The following ARHGEF26 variants were observed in gnomAD, a reference collection of about 807,000 sequenced individuals.
ARHGEF26 encodes Rho guanine nucleotide exchange factor 26.
ARHGEF26 carries 59 observed loss-of-function variants against 89.4 expected under a neutral mutation model. That is an observed-to-expected ratio of 0.66 (90% CI 0.54 to 0.82). The LOEUF (loss-of-function observed/expected upper bound fraction) is 0.82. ARHGEF26 is among the 40% of genes least tolerant of loss of function. The pLI is 0.00. For synonymous variants in ARHGEF26, 500 were observed against 428.4 expected, an observed-to-expected ratio of 1.17 and a Z score of -2.06; for missense variants, 1,234 against 1,085.6, an observed-to-expected ratio of 1.14 and a Z score of -1.92.
At chr3:154,130,190 A>T (rs868623465) in intron 4 of ARHGEF26, among the ~76,000 whole-genome samples, 1 of 115,850 alleles carries the variant, frequency 8.6e-6, no homozygotes. Context: ...TCTGTCGCCC[A>T]GGCTGGAGTT....
intron 11 of ARHGEF26, among the ~76,000 whole-genome samples, chr3:154,234,800 T>G (rs1481401099): frequency 6.6e-6 from 1 of 152,170 alleles, no homozygotes; most frequent in African/African-American, 2.4e-5. Flanking sequence ...GAGTCTCACT[T>G]TGTCGCCCAG....
chr3:154,134,951 C>T (rs1034501615), intron 4 of ARHGEF26, among the ~76,000 whole-genome samples: 1 of 151,998 alleles, frequency 6.6e-6, no homozygotes, highest in Admixed American at 6.6e-5. Flanking sequence ...GGTGGATAAG[C>T]TTTTTGATGT....
At chr3:154,235,112 G>T (rs116190293) in intron 11 of ARHGEF26, among the ~76,000 whole-genome samples, 3,038 of 149,704 alleles carry the variant, frequency 0.02, 102 homozygotes, top group African/African-American at 0.07. Context: ...TTTTTTTTCC[G>T]TGTTTTACAA....
chr3:154,176,419 A>G (rs867420932), intron 6 of ARHGEF26, among the ~76,000 whole-genome samples: 43 of 152,188 alleles, frequency 2.8e-4, no homozygotes, highest in Non-Finnish European at 4.9e-4. Flanking sequence ...AAGAGGTAAC[A>G]CTAGAAAATG....
intron 9 of ARHGEF26, among the ~76,000 whole-genome samples, chr3:154,214,725 A>G (rs1365409323): frequency 2.0e-5 from 3 of 152,154 alleles, no homozygotes; most frequent in Non-Finnish European, 2.9e-5. Context: ...AAGTCACAAA[A>G]ATGTCCCAAG....
intron 11 of ARHGEF26, among the ~76,000 whole-genome samples, chr3:154,228,345 C>G (rs1255420818): frequency 6.6e-6 from 1 of 151,878 alleles, no homozygotes; most frequent in Non-Finnish European, 1.5e-5. Flanking sequence ...CCATGTTTGT[C>G]AGGCTGGTCT....
intron 9 of ARHGEF26, among the ~76,000 whole-genome samples, chr3:154,205,956 T>C (rs1314010119): frequency 1.3e-5 from 2 of 152,198 alleles, no homozygotes; most frequent in Non-Finnish European, 2.9e-5. Context: ...TCTGTGTTTT[T>C]CTATGTATTT....
chr3:154,137,105 G>T (rs1719056371), intron 4 of ARHGEF26, among the ~76,000 whole-genome samples: 1 of 152,186 alleles, frequency 6.6e-6, no homozygotes, highest in Admixed American at 6.5e-5. Context: ...AACTCATATG[G>T]AAATTTAATT....
At chr3:154,176,663 G>A (rs138725204) in intron 6 of ARHGEF26, among the ~76,000 whole-genome samples, 6 of 152,280 alleles carry the variant, frequency 3.9e-5, no homozygotes, top group East Asian at 1.9e-4. Context: ...TGTGCTTTAC[G>A]TAGACGGTGT....
chr3:154,170,360 CA>C (rs1712347881), intron 6 of ARHGEF26, among the ~76,000 whole-genome samples: 1 of 151,728 alleles, frequency 6.6e-6, no homozygotes, highest in South Asian at 2.1e-4. Context: ...GAGCCTGTCT[CA>C]AAAGAAAAAG....
At chr3:154,164,406 C>T (rs960349865) in intron 6 of ARHGEF26, among the ~76,000 whole-genome samples, 6 of 150,686 alleles carry the variant, frequency 4.0e-5, no homozygotes, top group Non-Finnish European at 8.9e-5. Context: ...TAAAAAATAT[C>T]CTGAGGAACA....
At chr3:154,166,394 C>T (rs1712040437) in intron 6 of ARHGEF26, among the ~76,000 whole-genome samples, 1 of 152,012 alleles carries the variant, frequency 6.6e-6, no homozygotes, top group Non-Finnish European at 1.5e-5. Context: ...AGGTAGCAAA[C>T]ATATGAATAA....
chr3:154,124,482 G>A (rs1443954227), intron 3 of ARHGEF26, 33 bp downstream of exon 3: 4 of 1,504,498 alleles, frequency 2.7e-6, no homozygotes, highest in Non-Finnish European at 3.5e-6. Context: ...TTTCATTGCT[G>A]TTTCAATGTG....
At position 154,122,580 on chromosome 3, in the gene ARHGEF26, G is replaced by A. The variant is rs1718038467; in HGVS notation, c.588G>A (p.Lys196=). 1 of 1,613,516 alleles carries A rather than the reference G, an allele frequency of 6.2e-7. No homozygotes were observed. The highest frequency in any genetic ancestry group is 1.7e-5 in the Admixed American group (1 of 59,998). ...GTTCGCAGTCCGGCCGGAAGGCAAA[G>A]GACCCCGAACGGGGGCTCTTTCCTG... The part of the protein sequence containing the change: ...GSGSQSGRKA[K]DPERGLFPGP... The change falls in exon 2 of 15, where the codon AAG becomes AAA. Residue 196 remains lysine, a synonymous_variant. Coordinates refer to ENST00000465093, the MANE Select transcript of ARHGEF26 (RefSeq NM_015595.4).
chr3:154,245,700 T>C (rs1160299349), intron 12 of ARHGEF26, among the ~76,000 whole-genome samples: 1 of 152,220 alleles, frequency 6.6e-6, no homozygotes, highest in African/African-American at 2.4e-5. Flanking sequence ...CCCTCCACTG[T>C]ATGACTCCAA....
In ARHGEF26 at chr3:154,176,907, T is replaced by C. The variant is rs935603016; in HGVS notation, c.1488-10778T>C. 2.6e-5 allele frequency among the ~76,000 whole-genome samples: 4 copies of C among 152,158 alleles called. No individual in the cohort carries two copies. In the East Asian group the frequency reaches 7.7e-4, roughly 29 times the overall value. ...AATCCTCTTGCCTCAGTCTCCTGAA[T>C]AGCTAAAATTATAGGCATACACCTC... On this transcript the variant is annotated intron_variant, in intron 6 of 14. Transcript: ENST00000465093.
chr3:154,177,719 A>G (rs1712913439), intron 6 of ARHGEF26, among the ~76,000 whole-genome samples: 2 of 152,136 alleles, frequency 1.3e-5, no homozygotes, highest in Non-Finnish European at 1.5e-5. Flanking sequence ...TGACCCTGCT[A>G]CAAGCAGAAC....
chr3:154,230,224 G>A (rs533776051), intron 11 of ARHGEF26, among the ~76,000 whole-genome samples: 2 of 150,622 alleles, frequency 1.3e-5, no homozygotes, highest in South Asian at 4.1e-4. Flanking sequence ...CACAAACAAA[G>A]TGAGTGGCTT....
At chr3:154,127,741 CT>C (rs1166914198) in intron 3 of ARHGEF26, among the ~76,000 whole-genome samples, 1 of 151,368 alleles carries the variant, frequency 6.6e-6, no homozygotes, top group East Asian at 1.9e-4. Flanking sequence ...ATGTGCTATA[CT>C]TTTGTATTTT....
Sources: gnomAD v4.1 joint callset for allele counts (sites outside exome capture counted in the v4.1 genomes callset) on GRCh38, gnomAD v4.1.1 for gene constraint, MANE v1.5 for transcripts, NCBI Gene and HGNC (gene_info 2026-07-23, HGNC 2026-07-21) for gene names.